The following RCAN2 variants were observed in gnomAD, a reference collection of about 807,000 sequenced individuals.
RCAN2 encodes the protein calcipressin-2.
In RCAN2, 9 loss-of-function variants were observed where a neutral mutation model predicts 23.6. The observed-to-expected ratio is 0.38, with a 90% CI of 0.23 to 0.67. RCAN2 has a LOEUF of 0.67. RCAN2 is among the 30% of genes least tolerant of loss of function. The pLI, the probability that RCAN2 is intolerant of heterozygous loss-of-function variation, is 0.51. For synonymous variants in RCAN2, 109 were observed against 115.7 expected, an observed-to-expected ratio of 0.94 and a Z score of 0.37; for missense variants, 273 against 302.3, an observed-to-expected ratio of 0.90 and a Z score of 0.72.
chr6:46,388,383 A>G (rs1276165298), intron 2 of RCAN2, among the ~76,000 whole-genome samples: 1 of 152,178 alleles, frequency 6.6e-6, no homozygotes, highest in East Asian at 1.9e-4. Context: ...CGTGGAAGGC[A>G]GTGTGGCAAT....
chr6:46,272,606 A>AG (rs1317961439), intron 2 of RCAN2, among the ~76,000 whole-genome samples: 4 of 152,256 alleles, frequency 2.6e-5, no homozygotes, highest in African/African-American at 9.6e-5. Flanking sequence ...AATTGGAAAA[A>AG]GATACATCAA....
intron 2 of RCAN2, among the ~76,000 whole-genome samples, chr6:46,258,546 C>G (rs969689526): frequency 1.3e-5 from 2 of 152,150 alleles, no homozygotes; most frequent in African/African-American, 4.8e-5. Flanking sequence ...TATCCTTTCT[C>G]CCTGGAGTTC....
At chr6:46,260,171 C>G (rs1183048509) in intron 2 of RCAN2, among the ~76,000 whole-genome samples, 1 of 152,186 alleles carries the variant, frequency 6.6e-6, no homozygotes, top group Non-Finnish European at 1.5e-5. Flanking sequence ...TGAGGCCACC[C>G]AGGGCCCCTA....
At chr6:46,365,541 T>C (rs1479559724) in intron 2 of RCAN2, among the ~76,000 whole-genome samples, 1 of 151,776 alleles carries the variant, frequency 6.6e-6, no homozygotes, top group African/African-American at 2.4e-5. Flanking sequence ...AGAGAAATTG[T>C]CTTCCACAAA....
intron 2 of RCAN2, among the ~76,000 whole-genome samples, chr6:46,407,994 A>AT (rs1367997657): frequency 3.9e-5 from 6 of 152,134 alleles, no homozygotes; most frequent in Admixed American, 3.3e-4. Context: ...AGCAGCTTTG[A>AT]TTTTTCAGTC....
intron 2 of RCAN2, among the ~76,000 whole-genome samples, chr6:46,284,161 C>A (rs747927839): frequency 1.3e-5 from 2 of 151,920 alleles, no homozygotes; most frequent in Non-Finnish European, 2.9e-5. Context: ...TTAATGTGGG[C>A]AGAAAATTTG....
intron 2 of RCAN2, among the ~76,000 whole-genome samples, chr6:46,405,752 G>A (rs1029393816): frequency 3.3e-5 from 5 of 152,214 alleles, no homozygotes; most frequent in African/African-American, 7.2e-5. Context: ...TGCCAGTCCC[G>A]CACCGTGCGC....
At position 46,223,316 on chromosome 6, in the gene RCAN2, A is replaced by G; in HGVS notation, c.572-15T>C. On this transcript the variant is annotated splice_polypyrimidine_tract_variant and intron_variant, in intron 4 of 4. Transcript: ENST00000371374. ...ATACTTCTCTCCTGAAAAGCAAGAA[A>G]AATGGAAGTGAGAAAGAGGGGGGGA... is the stretch of plus-strand genomic sequence containing the variant. 4 of 1,610,038 alleles carry G rather than the reference A, an allele frequency of 2.5e-6. No homozygotes were observed. Among genetic ancestry groups the G allele is most frequent in the Non-Finnish European group, 3.4e-6 (4 of 1,177,416 alleles).
intron 2 of RCAN2, among the ~76,000 whole-genome samples, chr6:46,409,148 G>C (rs960740761): frequency 6.6e-6 from 1 of 152,052 alleles, no homozygotes; most frequent in Admixed American, 6.6e-5. Flanking sequence ...TAACAATTCT[G>C]TTTAAAGAAA....
chr6:46,426,379 T>C (rs1023092910), intron 2 of RCAN2, among the ~76,000 whole-genome samples: 5 of 152,272 alleles, frequency 3.3e-5, no homozygotes, highest in African/African-American at 9.6e-5. Context: ...TCAGTGTTCC[T>C]GTAATAAAAT....
intron 2 of RCAN2, among the ~76,000 whole-genome samples, chr6:46,402,554 C>G (rs1301661134): frequency 6.6e-6 from 1 of 152,154 alleles, no homozygotes; most frequent in Non-Finnish European, 1.5e-5. Context: ...CATAACAAAA[C>G]TATCTGACCT....
intron 2 of RCAN2, among the ~76,000 whole-genome samples, chr6:46,262,672 C>G (rs1425070574): frequency 6.6e-6 from 1 of 151,998 alleles, no homozygotes; most frequent in Non-Finnish European, 1.5e-5. Context: ...TAGTGGCTCC[C>G]CACAGCTTTT....
intron 2 of RCAN2, among the ~76,000 whole-genome samples, chr6:46,454,735 A>G (rs1767971652): frequency 6.6e-6 from 1 of 152,204 alleles, no homozygotes; most frequent in South Asian, 2.1e-4. Context: ...ACCAAATACT[A>G]TTTCCCAAAC....
chr6:46,305,098 T>C (rs1333771010), intron 2 of RCAN2, among the ~76,000 whole-genome samples: 1 of 152,100 alleles, frequency 6.6e-6, no homozygotes, highest in Non-Finnish European at 1.5e-5. Context: ...ATTATCTTCA[T>C]GCAGTTTGCA....
intron 4 of RCAN2, among the ~76,000 whole-genome samples, chr6:46,223,527 C>T (rs1581999116): frequency 6.6e-6 from 1 of 152,174 alleles, no homozygotes. Flanking sequence ...CACTCAATAC[C>T]TCTTAGCCTC....
intron 2 of RCAN2, among the ~76,000 whole-genome samples, chr6:46,278,875 A>G (rs1238880863): frequency 6.6e-6 from 1 of 152,178 alleles, no homozygotes; most frequent in East Asian, 1.9e-4. Flanking sequence ...TCATCCCTAA[A>G]GCTGCTGTTT....
intron 1 of RCAN2, among the ~76,000 whole-genome samples, chr6:46,473,161 A>T (rs12199788): frequency 0.42 from 63,168 of 152,134 alleles, 16,177 homozygotes; most frequent in Non-Finnish European, 0.58. Context: ...TTAAATGTAC[A>T]TATACACATT....
chr6:46,402,159 G>A (rs1766264924), intron 2 of RCAN2, among the ~76,000 whole-genome samples: 1 of 152,198 alleles, frequency 6.6e-6, no homozygotes, highest in Non-Finnish European at 1.5e-5. Context: ...AAGCAACAAA[G>A]AGGCCTGAAA....
chr6:46,371,052 A>G (rs943277468), intron 2 of RCAN2, among the ~76,000 whole-genome samples: 1 of 152,228 alleles, frequency 6.6e-6, no homozygotes, highest in Non-Finnish European at 1.5e-5. Flanking sequence ...ATACACTGAC[A>G]TTGTATAGTA....
Sources: allele counts gnomAD v4.1 joint callset (sites outside exome capture counted in the v4.1 genomes callset), GRCh38; gene constraint gnomAD v4.1.1; transcripts MANE v1.5; gene names NCBI Gene and HGNC (gene_info 2026-07-23, HGNC 2026-07-21).